The following ACKR3 variants were observed in gnomAD, a reference collection of about 807,000 sequenced individuals.
The protein encoded by ACKR3 is atypical chemokine receptor 3.
ACKR3 carries 6 observed loss-of-function variants against 22.4 expected under a neutral mutation model. The ratio of observed to expected loss-of-function variants is 0.27; its 90% confidence interval spans 0.15 to 0.53. The LOEUF (loss-of-function observed/expected upper bound fraction) is 0.53. ACKR3 is among the 20% of genes least tolerant of loss of function. The pLI is 0.96. For synonymous variants in ACKR3, 209 were observed against 205.2 expected (o/e 1.02, Z -0.16); for missense variants, 396 against 475.2 (o/e 0.83, Z 1.55).
the ACKR3 span, among the ~76,000 whole-genome samples, chr2:236,539,595 G>A: frequency 3.9e-5 from 6 of 152,096 alleles, no homozygotes; most frequent in Admixed American, 3.3e-4. Context: ...TTATAGGCAT[G>A]AGCATCCGCC....
the ACKR3 span, among the ~76,000 whole-genome samples, chr2:236,541,740 T>C: frequency 6.6e-6 from 1 of 152,196 alleles, no homozygotes; most frequent in Non-Finnish European, 1.5e-5. Flanking sequence ...TGGGGCCAGG[T>C]GGAGATAATT....
the ACKR3 span, among the ~76,000 whole-genome samples, chr2:236,551,960 C>T: frequency 1.3e-5 from 2 of 152,180 alleles, no homozygotes; most frequent in Non-Finnish European, 1.5e-5. Context: ...CCTGCTTGTC[C>T]TTCCCCTCCT....
rs1435692169 is a variant in ACKR3 at position 236,574,373 on chromosome 2, G to A, written c.-27+4449G>A. On this transcript the variant is annotated intron_variant, in intron 1 of 1. Transcript: ENST00000272928. The surrounding 1 kb of genome is among the most constrained non-coding windows in gnomAD (Gnocchi z 5.6). Reference sequence around the variant, plus strand: ...CACAAAGTTACAGAAGACTTGGTGGGGGGTGCGGGGCCTGGTAGGAATGAG... The same window carrying A: ...CACAAAGTTACAGAAGACTTGGTGGAGGGTGCGGGGCCTGGTAGGAATGAG... Among the ~76,000 whole-genome samples the A allele has an allele frequency of 1.3e-5, 2 of 152,164 alleles. No homozygotes were observed. Among genetic ancestry groups the A allele is most frequent in the African/African-American group, 2.4e-5 (1 of 41,418 alleles).
the ACKR3 span, among the ~76,000 whole-genome samples, chr2:236,559,440 C>T: frequency 6.6e-6 from 1 of 152,152 alleles, no homozygotes; most frequent in Non-Finnish European, 1.5e-5. Flanking sequence ...CCTCTCTCTG[C>T]CTGCCCCAGG....
the ACKR3 span, among the ~76,000 whole-genome samples, chr2:236,538,925 A>G: frequency 6.6e-6 from 1 of 152,160 alleles, no homozygotes; most frequent in African/African-American, 2.4e-5. Context: ...GCTCAGGGCA[A>G]AGTAGGCGCG....
the ACKR3 span, among the ~76,000 whole-genome samples, chr2:236,559,803 A>G: frequency 6.6e-6 from 1 of 152,210 alleles, no homozygotes; most frequent in African/African-American, 2.4e-5. Flanking sequence ...ACTGTCCTTC[A>G]ACCGTCACAT....
At chr2:236,539,161 C>T in the ACKR3 span, among the ~76,000 whole-genome samples, 9 of 152,152 alleles carry the variant, frequency 5.9e-5, no homozygotes, top group East Asian at 1.9e-4. Flanking sequence ...TTTATTATCA[C>T]GTCTGGATGG....
chr2:236,543,681 T>C, the ACKR3 span, among the ~76,000 whole-genome samples: 1 of 151,854 alleles, frequency 6.6e-6, no homozygotes, highest in African/African-American at 2.4e-5. Context: ...AAATCGCACA[T>C]TTTAATGGAG....
At chr2:236,568,660 C>A (rs1438753567), upstream of ACKR3, among the ~76,000 whole-genome samples, 1 of 152,258 alleles carries the variant, frequency 6.6e-6, no homozygotes, top group East Asian at 1.9e-4. Context: ...AAGCTTTTAG[C>A]TAAACAAAAT....
the ACKR3 span, among the ~76,000 whole-genome samples, chr2:236,559,532 G>C: frequency 6.6e-6 from 1 of 152,212 alleles, no homozygotes; most frequent in Admixed American, 6.5e-5. Flanking sequence ...TATGTGCTTT[G>C]CTTTGAGTGC....
the ACKR3 span, among the ~76,000 whole-genome samples, chr2:236,540,709 C>T: frequency 2.1e-4 from 32 of 152,170 alleles, no homozygotes; most frequent in African/African-American, 7.2e-4. Context: ...TTTTTTTCCT[C>T]ACGTGGTTAT....
At chr2:236,579,389 G>A (rs1051286485) in intron 1 of ACKR3, among the ~76,000 whole-genome samples, 1 of 152,190 alleles carries the variant, frequency 6.6e-6, no homozygotes, top group Non-Finnish European at 1.5e-5. Context: ...TTCAGGCAGG[G>A]CTAATTGCTG....
chr2:236,537,879 A>C, the ACKR3 span, among the ~76,000 whole-genome samples: 1 of 152,202 alleles, frequency 6.6e-6, no homozygotes, highest in Non-Finnish European at 1.5e-5. Context: ...ATGCGTATTC[A>C]TGCTCTTTCA....
the ACKR3 span, among the ~76,000 whole-genome samples, chr2:236,550,032 C>T: frequency 6.6e-6 from 1 of 152,176 alleles, no homozygotes; most frequent in African/African-American, 2.4e-5. This position sits in a 1 kb window ranked among gnomAD's most constrained non-coding sequence, Gnocchi z 4.6. Context: ...CCCAGGTACC[C>T]GGGGCCCTTT....
At chr2:236,537,718 C>G in the ACKR3 span, among the ~76,000 whole-genome samples, 1 of 152,150 alleles carries the variant, frequency 6.6e-6, no homozygotes, top group Non-Finnish European at 1.5e-5. Context: ...TACTTATGAG[C>G]CAGAATTAGG....
rs75047142 is a variant in ACKR3, at chr2:236,572,751, G to A, written c.-27+2827G>A. Among the ~76,000 whole-genome samples, 68 of 152,290 alleles carry A rather than the reference G, an allele frequency of 4.5e-4. 2 individuals carry two copies. In the East Asian group the frequency reaches 0.013, roughly 29 times the overall value. ...GTGGGTATAGCTTTGCTTCCCTGTC[G>A]GGCAGCTGAGCACAATAGACCAGAT... On this transcript the variant is annotated intron_variant, in intron 1 of 1. Coordinates refer to ENST00000272928, the MANE Select transcript of ACKR3 (RefSeq NM_020311.3).
rs897182373 is a variant in ACKR3, at chr2:236,574,335, A to G, written c.-27+4411A>G. On this transcript the variant is annotated intron_variant, in intron 1 of 1. Coordinates refer to ENST00000272928, the MANE Select transcript of ACKR3 (RefSeq NM_020311.3). This position sits in a 1 kb window ranked among gnomAD's most constrained non-coding sequence, Gnocchi z 5.6. ...TGTGCAGCTGTAGCTGTATAGCTGT[A>G]TAGCTGTAGCTACACAAAGTTACAG... Among the ~76,000 whole-genome samples, 6 of 152,184 alleles carry G rather than the reference A, an allele frequency of 3.9e-5. No individual in the cohort carries two copies. The East Asian group carries it at 9.7e-4, about 25-fold the overall frequency.
the ACKR3 span, among the ~76,000 whole-genome samples, chr2:236,538,876 A>G: frequency 6.6e-6 from 1 of 152,140 alleles, no homozygotes; most frequent in African/African-American, 2.4e-5. Flanking sequence ...AACTTAGCTG[A>G]GCATCCTGTA....
chr2:236,566,766 T>TCC (rs1559469797), upstream of ACKR3, among the ~76,000 whole-genome samples: 96 of 149,314 alleles, frequency 6.4e-4, no homozygotes, highest in African/African-American at 2.0e-3. Flanking sequence ...CTTCCTTCCT[T>TCC]TTCTTTGCTA....
Sources: allele counts gnomAD v4.1 joint callset (sites outside exome capture counted in the v4.1 genomes callset), GRCh38; gene constraint gnomAD v4.1.1; non-coding constraint Gnocchi (gnomAD v3.1); transcripts MANE v1.5; gene names NCBI Gene and HGNC (gene_info 2026-07-23, HGNC 2026-07-21).